The following KCNH7 variants were observed in gnomAD, a reference collection of about 807,000 sequenced individuals.
The protein encoded by KCNH7 is potassium voltage-gated channel subfamily H member 7.
Under a neutral mutation model 120.8 loss-of-function variants are expected in KCNH7, and 49 were observed. The observed-to-expected ratio is 0.41, with a 90% CI of 0.32 to 0.51. The LOEUF is 0.51. Ranked by LOEUF, KCNH7 falls within the 20% of genes least tolerant of loss-of-function variation. The probability of loss-of-function intolerance (pLI) is 0.38; values close to 1 mark genes in which losing one functional copy is unlikely to be tolerated. For synonymous variants in KCNH7, 547 were observed against 516.1 expected, an observed-to-expected ratio of 1.06 and a Z score of -0.81; for missense variants, 1,097 against 1,446.6, an observed-to-expected ratio of 0.76 and a Z score of 3.92.
intron 2 of KCNH7, among the ~76,000 whole-genome samples, chr2:162,674,776 T>C (rs1685477969): frequency 6.6e-6 from 1 of 151,636 alleles, no homozygotes; most frequent in African/African-American, 2.4e-5. Context: ...AAAACATCTA[T>C]ATATACTTCA....
intron 2 of KCNH7, among the ~76,000 whole-genome samples, chr2:162,767,530 A>G (rs1016084184): frequency 1.3e-5 from 2 of 152,052 alleles, no homozygotes; most frequent in Non-Finnish European, 2.9e-5. Flanking sequence ...TATTTAACTC[A>G]TCTATTTGGA....
chr2:162,440,578 A>G (rs983989470), intron 7 of KCNH7, among the ~76,000 whole-genome samples: 3 of 152,066 alleles, frequency 2.0e-5, no homozygotes, highest in African/African-American at 7.2e-5. Context: ...GGATGCATTT[A>G]CTAATACAAT....
intron 1 of KCNH7, 136 bp from the exon 2 acceptor site, chr2:162,836,903 G>GA: frequency 1.8e-6 from 1 of 565,058 alleles, no homozygotes; most frequent in South Asian, 2.7e-5. Context: ...CAGCCCTTAT[G>GA]AAAAAAGAAA....
At chr2:162,826,111 C>A (rs564157305) in intron 2 of KCNH7, among the ~76,000 whole-genome samples, 1 of 152,008 alleles carries the variant, frequency 6.6e-6, no homozygotes, top group Admixed American at 6.6e-5. Flanking sequence ...ACAGGCCTTA[C>A]AATCTCAACC....
chr2:162,778,344 A>G (rs764984447), intron 2 of KCNH7, among the ~76,000 whole-genome samples: 25 of 152,152 alleles, frequency 1.6e-4, no homozygotes, highest in Non-Finnish European at 2.8e-4. Context: ...TTTGTCCACC[A>G]TCTTAAATTG....
intron 2 of KCNH7, among the ~76,000 whole-genome samples, chr2:162,807,961 C>A (rs1038286842): frequency 6.6e-6 from 1 of 152,174 alleles, no homozygotes; most frequent in Non-Finnish European, 1.5e-5. Flanking sequence ...GGATTACAGG[C>A]GTGAGCCACC....
intron 2 of KCNH7, among the ~76,000 whole-genome samples, chr2:162,624,398 T>C (rs1683470473): frequency 1.3e-5 from 2 of 152,190 alleles, no homozygotes; most frequent in African/African-American, 4.8e-5. Context: ...AGGATACTAC[T>C]GTATAACATG....
chr2:162,555,621 A>G (rs1470245849), intron 2 of KCNH7, among the ~76,000 whole-genome samples: 1 of 152,196 alleles, frequency 6.6e-6, no homozygotes, highest in African/African-American at 2.4e-5. Flanking sequence ...GCTTAGTATT[A>G]ATGTAGACAC....
At chr2:162,562,557 A>C (rs1400280116) in intron 2 of KCNH7, among the ~76,000 whole-genome samples, 1 of 152,170 alleles carries the variant, frequency 6.6e-6, no homozygotes, top group Non-Finnish European at 1.5e-5. Flanking sequence ...TTGACCGCTC[A>C]GGTAAAAGTA....
At chr2:162,390,257 C>T (rs961949615) in intron 12 of KCNH7, among the ~76,000 whole-genome samples, 4 of 150,452 alleles carry the variant, frequency 2.7e-5, no homozygotes, top group African/African-American at 9.8e-5. Flanking sequence ...TATATATACA[C>T]ACACACACAC....
At chr2:162,773,074 C>T (rs1427216738) in intron 2 of KCNH7, among the ~76,000 whole-genome samples, 3 of 152,104 alleles carry the variant, frequency 2.0e-5, no homozygotes, top group Admixed American at 6.5e-5. Flanking sequence ...TTTTGTAGAA[C>T]GGTAGTTGTT....
At chr2:162,795,909 A>G (rs563483301) in intron 2 of KCNH7, 78 of 152,182 alleles carry the variant, frequency 5.1e-4, no homozygotes, top group African/African-American at 1.7e-3. Flanking sequence ...GATGTTGGGT[A>G]TCTTACTCCT....
intron 10 of KCNH7, among the ~76,000 whole-genome samples, chr2:162,399,943 C>T (rs576663338): frequency 6.6e-5 from 10 of 151,928 alleles, no homozygotes; most frequent in Admixed American, 6.6e-4. Flanking sequence ...GTCTAGGTAG[C>T]TGCCAAGAAC....
At chr2:162,700,435 A>G (rs1686455422) in intron 2 of KCNH7, among the ~76,000 whole-genome samples, 1 of 152,134 alleles carries the variant, frequency 6.6e-6, no homozygotes. Flanking sequence ...TTTCAGTGGG[A>G]AAGTTTCCAC....
At chr2:162,488,702 C>G (rs1690188829) in intron 6 of KCNH7, among the ~76,000 whole-genome samples, 2 of 152,238 alleles carry the variant, frequency 1.3e-5, no homozygotes, top group Admixed American at 6.5e-5. Flanking sequence ...AGTCCTCTCA[C>G]TGAGGTGCCC....
At chr2:162,451,193 C>T (rs921771384) in intron 6 of KCNH7, among the ~76,000 whole-genome samples, 6 of 151,956 alleles carry the variant, frequency 3.9e-5, no homozygotes, top group Non-Finnish European at 5.9e-5. Flanking sequence ...AACCACCTAT[C>T]TATCCAGAGC....
chr2:162,487,649 A>G (rs1015464853), intron 6 of KCNH7, among the ~76,000 whole-genome samples: 1 of 152,246 alleles, frequency 6.6e-6, no homozygotes, highest in Non-Finnish European at 1.5e-5. Flanking sequence ...AGGGTTTATT[A>G]TCTAACTGCA....
intron 2 of KCNH7, among the ~76,000 whole-genome samples, chr2:162,629,740 T>G (rs1683698962): frequency 6.6e-6 from 1 of 152,042 alleles, no homozygotes; most frequent in African/African-American, 2.4e-5. Context: ...GGTATGAGTA[T>G]TTACACTCCA....
At chr2:162,518,210 G>T in intron 3 of KCNH7, 52 bp from the exon 4 acceptor site, 1 of 1,328,294 alleles carries the variant, frequency 7.5e-7, no homozygotes, top group Non-Finnish European at 1.0e-6. Flanking sequence ...GATATATCCT[G>T]TAACAAAAAC....
Sources: allele counts gnomAD v4.1 joint callset (sites outside exome capture counted in the v4.1 genomes callset), GRCh38; gene constraint gnomAD v4.1.1; transcripts MANE v1.5; gene names NCBI Gene and HGNC (gene_info 2026-07-23, HGNC 2026-07-21).